Variants in LHFPL3 observed in about 807,000 individuals in gnomAD.
LHFPL3 encodes LHFPL tetraspan subfamily member 3, also known as LHFPL tetraspan subfamily member 3 protein.
In LHFPL3, 5 loss-of-function variants were observed where a neutral mutation model predicts 19.3. The ratio of observed to expected loss-of-function variants is 0.26; its 90% CI spans 0.14 to 0.54. LHFPL3 has a LOEUF of 0.54. Among genes scored for constraint, LHFPL3 ranks in the 20% least tolerant of loss-of-function variants. The pLI, the probability that LHFPL3 is intolerant of heterozygous loss-of-function variation, is 0.94. For synonymous variants in LHFPL3, 133 were observed against 126.2 expected (o/e 1.05, Z -0.36); for missense variants, 249 against 307.4 (o/e 0.81, Z 1.42).
At chr7:104,747,471 G>A (rs890520211) in intron 2 of LHFPL3, among the ~76,000 whole-genome samples, 5 of 152,190 alleles carry the variant, frequency 3.3e-5, no homozygotes, top group Admixed American at 6.5e-5. Flanking sequence ...TTCATACACA[G>A]GGTGATGAAA....
intron 1 of LHFPL3, among the ~76,000 whole-genome samples, chr7:104,732,885 C>T (rs192569327): frequency 2.3e-4 from 35 of 152,320 alleles, no homozygotes; most frequent in African/African-American, 8.2e-4. Context: ...TCCCTCTACA[C>T]ACCGCTTTAA....
At chr7:104,796,406 T>C (rs950312684) in intron 2 of LHFPL3, 1 of 152,168 alleles carries the variant, frequency 6.6e-6, no homozygotes, top group Admixed American at 6.5e-5. Flanking sequence ...CTAGGAGTGA[T>C]CCAAGTCATT....
At chr7:104,414,396 GACA>G (rs1791584371) in intron 1 of LHFPL3, among the ~76,000 whole-genome samples, 1 of 152,164 alleles carries the variant, frequency 6.6e-6, no homozygotes, top group Admixed American at 6.5e-5. Context: ...TCTGTAGAAG[GACA>G]ACATCGTTAG....
Position 104,328,901 on chromosome 7 carries a change from C to G in LHFPL3, c.122C>G (p.Ala41Gly). The G allele has an allele frequency of 6.2e-7, 1 of 1,614,172 alleles. No homozygotes were observed. ...RNSRAIGVLW[A>G]IFTICFAIVN... is the part of the protein sequence containing the mutation. ...TCGCGGGCCATCGGCGTGCTGTGGG[C>G]CATCTTCACCATCTGCTTTGCCATC... The change falls in exon 1 of 3, where the codon GCC (alanine) becomes GGC (glycine). Residue 41 changes from alanine (A) to glycine (G), a missense_variant. Transcript: ENST00000424859. The surrounding 1 kb of genome is among the most constrained non-coding windows in gnomAD (Gnocchi z 4.6).
At chr7:104,700,213 C>T (rs1337487638) in intron 1 of LHFPL3, among the ~76,000 whole-genome samples, 2 of 152,184 alleles carry the variant, frequency 1.3e-5, no homozygotes, top group Non-Finnish European at 2.9e-5. Flanking sequence ...ATTTTATTTT[C>T]TCTTGTTTCT....
intron 1 of LHFPL3, among the ~76,000 whole-genome samples, chr7:104,358,238 G>A (rs148690277): frequency 2.0e-5 from 3 of 152,266 alleles, no homozygotes; most frequent in East Asian, 1.9e-4. Context: ...TAGTATGGCC[G>A]TACAATATTG....
chr7:104,836,194 C>T (rs1180259504), intron 2 of LHFPL3, among the ~76,000 whole-genome samples: 1 of 152,062 alleles, frequency 6.6e-6, no homozygotes, highest in Non-Finnish European at 1.5e-5. Context: ...CAGGAAGGAG[C>T]CCAGATTGAC....
chr7:104,722,956 G>A (rs1308002931), intron 1 of LHFPL3, among the ~76,000 whole-genome samples: 1 of 152,124 alleles, frequency 6.6e-6, no homozygotes, highest in East Asian at 1.9e-4. Context: ...GGTTCACAAC[G>A]TTAAAAGCCC....
At chr7:104,429,989 A>G (rs1791924368) in intron 1 of LHFPL3, among the ~76,000 whole-genome samples, 1 of 152,192 alleles carries the variant, frequency 6.6e-6, no homozygotes, top group African/African-American at 2.4e-5. Flanking sequence ...GGACAAAATC[A>G]AGGAGAAATG....
intron 2 of LHFPL3, among the ~76,000 whole-genome samples, chr7:104,821,498 G>A (rs766578199): frequency 1.2e-4 from 18 of 152,188 alleles, no homozygotes; most frequent in Non-Finnish European, 2.4e-4. Context: ...TATCCCTCAA[G>A]TACATTTACC....
At chr7:104,433,319 C>A (rs192021332) in intron 1 of LHFPL3, among the ~76,000 whole-genome samples, 5 of 152,284 alleles carry the variant, frequency 3.3e-5, no homozygotes, top group African/African-American at 7.2e-5. Context: ...CTTACTATTG[C>A]TATGAAGATA....
chr7:104,362,787 C>T (rs1390561805), intron 1 of LHFPL3, among the ~76,000 whole-genome samples: 2 of 152,132 alleles, frequency 1.3e-5, no homozygotes, highest in Non-Finnish European at 2.9e-5. Flanking sequence ...GGGCATGGGG[C>T]TAGGGAATGG....
At chr7:104,591,836 ACTTCT>A (rs1045835712) in intron 1 of LHFPL3, among the ~76,000 whole-genome samples, 117 of 151,966 alleles carry the variant, frequency 7.7e-4, no homozygotes, top group Middle Eastern at 3.4e-3. Flanking sequence ...TTTTCTCTAA[ACTTCT>A]CTTCTCACTT....
chr7:104,656,794 GT>G lies in LHFPL3; in HGVS notation c.446-79877del, dbSNP rs1234649584. On this transcript the variant is annotated intron_variant, in intron 1 of 2. Coordinates refer to ENST00000424859, the MANE Select transcript of LHFPL3 (RefSeq NM_199000.3). ...TGATTATAAGACCATTTGCAAACAT[GT>G]TTTATTTTCCTTTTAACACATTATG... is the stretch of plus-strand genomic sequence containing the variant. Among the ~76,000 whole-genome samples the G allele has an allele frequency of 7.9e-5, 12 of 152,310 alleles. No individual in the cohort carries two copies. In the East Asian group the frequency reaches 2.3e-3, roughly 29 times the overall value.
chr7:104,372,775 T>G lies in LHFPL3; in HGVS notation c.445+43551T>G, dbSNP rs558143301. ...TTATAAATATCCTTGTATGGTGATT[T>G]GTAAATGTTGGGGCAAAGGGCAATA... On this transcript the variant is annotated intron_variant, in intron 1 of 2. Coordinates refer to ENST00000424859, the MANE Select transcript of LHFPL3 (RefSeq NM_199000.3). Among the ~76,000 whole-genome samples the G allele has an allele frequency of 1.1e-4, 16 of 152,288 alleles. 1 individual carries two copies. In the South Asian group the frequency reaches 3.1e-3, roughly 30 times the overall value.
At chr7:104,509,193 CTGATT>C (rs1360901499) in intron 1 of LHFPL3, among the ~76,000 whole-genome samples, 1 of 151,746 alleles carries the variant, frequency 6.6e-6, no homozygotes, top group East Asian at 1.9e-4. Context: ...GGAACGCTTC[CTGATT>C]TATTTTATAA....
chr7:104,521,607 C>T (rs1794065216), intron 1 of LHFPL3, among the ~76,000 whole-genome samples: 1 of 151,936 alleles, frequency 6.6e-6, no homozygotes, highest in Non-Finnish European at 1.5e-5. Flanking sequence ...AGGCAACCTA[C>T]AAAATGGGAG....
chr7:104,495,669 T>C (rs41017), intron 1 of LHFPL3, among the ~76,000 whole-genome samples: 93,147 of 152,000 alleles, frequency 0.61, 29,580 homozygotes, highest in African/African-American at 0.78. Context: ...AGGCTTGAGC[T>C]AACGCGCCTG....
At chr7:104,707,640 C>T (rs1299270638) in intron 1 of LHFPL3, among the ~76,000 whole-genome samples, 1 of 152,170 alleles carries the variant, frequency 6.6e-6, no homozygotes, top group Middle Eastern at 3.2e-3. Context: ...TGGGCATCTT[C>T]CATTTTCCTA....
Sources: gnomAD v4.1 joint callset for allele counts (sites outside exome capture counted in the v4.1 genomes callset) on GRCh38, gnomAD v4.1.1 for gene constraint, Gnocchi (gnomAD v3.1) non-coding constraint, MANE v1.5 for transcripts, NCBI Gene and HGNC (gene_info 2026-07-23, HGNC 2026-07-21) for gene names.